ADAMTS2: variants seen among roughly 807,000 people sequenced by gnomAD.
ADAMTS2 encodes ADAM metallopeptidase with thrombospondin type 1 motif 2, also known as A disintegrin and metalloproteinase with thrombospondin motifs 2.
ADAMTS2 carries 50 observed loss-of-function variants against 123.0 expected under a neutral mutation model. The ratio of observed to expected loss-of-function variants is 0.41; its 90% CI spans 0.32 to 0.51. The LOEUF (loss-of-function observed/expected upper bound fraction) is 0.51. Ranked by LOEUF, ADAMTS2 falls within the 20% of genes least tolerant of loss-of-function variation. The probability of loss-of-function intolerance (pLI) is 0.35; values close to 1 mark genes in which losing one functional copy is unlikely to be tolerated. For synonymous variants in ADAMTS2, 678 were observed against 695.4 expected, an observed-to-expected ratio of 0.98 and a Z score of 0.39; for missense variants, 1,494 against 1,705.2, an observed-to-expected ratio of 0.88 and a Z score of 2.18.
Position 179,169,588 on chromosome 5 carries a change from T to A in ADAMTS2, c.976-10709A>T, listed in dbSNP as rs372140430. 2.2e-4 allele frequency among the ~76,000 whole-genome samples: 33 copies of A among 152,252 alleles called. No individual in the cohort carries two copies. The East Asian group carries it at 5.4e-3, about 25-fold the overall frequency. On this transcript the variant is annotated intron_variant, in intron 5 of 21. Transcript: ENST00000251582. The stretch of plus-strand genomic sequence containing the variant: ...AGATGCTCAGGAGGACAGGGGGCTG[T>A]CCCTGGGGTGAGGCATGGGGTGTGT...
intron 4 of ADAMTS2, among the ~76,000 whole-genome samples, chr5:179,191,394 G>A (rs778136627): frequency 2.6e-5 from 4 of 152,272 alleles, no homozygotes; most frequent in East Asian, 3.9e-4. Flanking sequence ...CCACACGCCC[G>A]TCTCAGAGGC....
intron 3 of ADAMTS2, among the ~76,000 whole-genome samples, chr5:179,265,259 TCCAGGCCCTTGCCAG>T (rs1430973158): frequency 6.6e-6 from 1 of 152,096 alleles, no homozygotes; most frequent in Admixed American, 6.5e-5. Flanking sequence ...CCACCAAAGA[TCCAGGCCCTTGCCAG>T]CCACATTTAC....
chr5:179,199,443 G>A (rs531851092), intron 4 of ADAMTS2, among the ~76,000 whole-genome samples: 2 of 152,328 alleles, frequency 1.3e-5, no homozygotes, highest in African/African-American at 2.4e-5. Context: ...TGAACCTCCC[G>A]TGAGTGACAC....
chr5:179,118,513 C>T lies in ADAMTS2; in HGVS notation c.3178+3148G>A, dbSNP rs1301279457. ...CTTAAGTCACTGTAGGCTACTCCCA[C>T]GATCTTGGCTACACCTGAACAGCAC... On this transcript the variant is annotated intron_variant, in intron 21 of 21. Transcript: ENST00000251582. This position sits in a 1 kb window ranked among gnomAD's most constrained non-coding sequence, Gnocchi z 4.5. 3.3e-5 allele frequency among the ~76,000 whole-genome samples: 5 copies of T among 152,190 alleles called. No individual in the cohort carries two copies. The highest frequency in any genetic ancestry group is 1.2e-4 in the African/African-American group (5 of 41,430).
rs1243315634 is a variant in ADAMTS2, at chr5:179,307,338, G to A, written c.535-34274C>T. Among the ~76,000 whole-genome samples the A allele has an allele frequency of 5.3e-5, 8 of 152,090 alleles. No homozygotes were observed. The highest frequency in any genetic ancestry group is 4.8e-5 in the African/African-American group (2 of 41,420). On this transcript the variant is annotated intron_variant, in intron 2 of 21. Coordinates refer to ENST00000251582, the MANE Select transcript of ADAMTS2 (RefSeq NM_014244.5). This position sits in a 1 kb window ranked among gnomAD's most constrained non-coding sequence, Gnocchi z 5.6. Reference sequence around the variant, plus strand: ...CGGCCCTCTCAGGGCTCGAGCACCCGGCCAACCCTGGGTGGCCACTGCTCA... The same window carrying A: ...CGGCCCTCTCAGGGCTCGAGCACCCAGCCAACCCTGGGTGGCCACTGCTCA...
At chr5:179,239,711 G>A (rs1232530364) in intron 3 of ADAMTS2, among the ~76,000 whole-genome samples, 1 of 152,116 alleles carries the variant, frequency 6.6e-6, no homozygotes, top group Non-Finnish European at 1.5e-5. Context: ...CCCACAGAGG[G>A]GTGCAGAGGG....
At chr5:179,138,036 T>A in intron 11 of ADAMTS2, 92 bp from the exon 12 acceptor site, 1 of 1,413,330 alleles carries the variant, frequency 7.1e-7, no homozygotes, top group Non-Finnish European at 9.6e-7. Context: ...GGGGGATCCC[T>A]AAGTCTCAGG....
rs1765479663 is a variant in ADAMTS2 at position 179,234,373 on chromosome 5, G to A, written c.689-26658C>T. 6.6e-6 allele frequency among the ~76,000 whole-genome samples: 1 copy of A among 152,042 alleles called. No homozygotes were observed. The highest frequency in any genetic ancestry group is 2.1e-4 in the South Asian group (1 of 4,824). On this transcript the variant is annotated intron_variant, in intron 3 of 21. Transcript: ENST00000251582. The surrounding 1 kb of genome is among the most constrained non-coding windows in gnomAD (Gnocchi z 4.7). The stretch of plus-strand genomic sequence containing the variant: ...GAGGCTGCACCCCCACAGGAAGTGG[G>A]GCCCAGTCCACCGTGCCCTGGACGC...
At chr5:179,206,580 A>C (rs1764704102) in intron 4 of ADAMTS2, among the ~76,000 whole-genome samples, 1 of 151,752 alleles carries the variant, frequency 6.6e-6, no homozygotes, top group Non-Finnish European at 1.5e-5. Flanking sequence ...CTAGGGCCCC[A>C]CTGGCAGCAT....
chr5:179,251,120 C>T (rs1482312727), intron 3 of ADAMTS2, among the ~76,000 whole-genome samples: 1 of 152,212 alleles, frequency 6.6e-6, no homozygotes, highest in Non-Finnish European at 1.5e-5. Flanking sequence ...GGCCTGGGTT[C>T]AAATCCCAGA....
intron 2 of ADAMTS2, among the ~76,000 whole-genome samples, chr5:179,297,154 G>A (rs1008743318): frequency 1.3e-5 from 2 of 152,136 alleles, no homozygotes; most frequent in Non-Finnish European, 2.9e-5. Context: ...AGGGAAATGC[G>A]AACGGCCACT....
At chr5:179,177,377 G>A (rs146177780) in intron 5 of ADAMTS2, among the ~76,000 whole-genome samples, 17 of 152,224 alleles carry the variant, frequency 1.1e-4, no homozygotes, top group African/African-American at 2.6e-4. Context: ...TTGTCCTGAC[G>A]GGCTACCTTT....
At chr5:179,217,829 T>TGC (rs1765027546) in intron 3 of ADAMTS2, among the ~76,000 whole-genome samples, 1 of 64,686 alleles carries the variant, frequency 1.5e-5, no homozygotes, top group African/African-American at 9.2e-5. Flanking sequence ...GGGGATGGCC[T>TGC]GAGGGCAGAC....
chr5:179,240,465 T>A (rs760570529), intron 3 of ADAMTS2, among the ~76,000 whole-genome samples: 4 of 152,126 alleles, frequency 2.6e-5, no homozygotes, highest in Non-Finnish European at 5.9e-5. Flanking sequence ...GCAGCATCAA[T>A]GGCCTGCAGG....
intron 5 of ADAMTS2, among the ~76,000 whole-genome samples, chr5:179,167,582 C>T (rs1227281378): frequency 6.6e-6 from 1 of 151,916 alleles, no homozygotes; most frequent in Non-Finnish European, 1.5e-5. Context: ...GCTGGAACCG[C>T]GCCCGCCCCG....
intron 2 of ADAMTS2, among the ~76,000 whole-genome samples, chr5:179,296,286 C>G (rs940593157): frequency 6.6e-6 from 1 of 151,874 alleles, no homozygotes; most frequent in African/African-American, 2.4e-5. Context: ...CGGGAGCAGC[C>G]GGAGCTCAAG....
rs138176208 is a variant in ADAMTS2, at chr5:179,207,714, C to T, written c.690G>A (p.Gly230=). The stretch of plus-strand genomic sequence containing the variant: ...GGCTGTCCAGGCTGTCCAGGGAGGC[C>T]CCTGCAAGGAGAGGACACCGTCTTC... The part of the protein sequence containing the change: ...PLGGPQALDT[G]ASLDSLDSLS... Residue 230 remains glycine, a splice_region_variant and synonymous_variant, in exon 4 of 22, where the codon GGG becomes GGA. Transcript: ENST00000251582. 62 of 1,610,306 alleles carry T rather than the reference C, an allele frequency of 3.9e-5. No individual in the cohort carries two copies. Among genetic ancestry groups the T allele is most frequent in the Non-Finnish European group, 5.0e-5 (59 of 1,179,976 alleles).
chr5:179,154,132 G>T lies in ADAMTS2; in HGVS notation c.1299C>A (p.Ser433Arg). The T allele has an allele frequency of 6.3e-7, 1 of 1,590,448 alleles. No homozygotes were observed. Among genetic ancestry groups the T allele is most frequent in the Non-Finnish European group, 8.5e-7 (1 of 1,174,134 alleles). Residue 433 changes from serine to arginine, a missense_variant, in exon 8 of 22, where the codon AGC (serine) becomes AGA (arginine). By Grantham distance (110) the Ser-to-Arg change is moderately radical (BLOSUM62 -1). Coordinates refer to ENST00000251582, the MANE Select transcript of ADAMTS2 (RefSeq NM_014244.5). ...NRCGDEVRLG[S>R]IMAPLVQAAF... ...CGGCCTGCACCAGGGGCGCCATGAT[G>T]CTGCCCAGCCGCACCTCGTCGCCAC...
intron 20 of ADAMTS2, 79 bp from the exon 21 acceptor site, chr5:179,121,829 C>G (rs1337007582): frequency 2.0e-6 from 2 of 1,010,134 alleles, no homozygotes; most frequent in Non-Finnish European, 2.9e-6. Flanking sequence ...CTCCGGGTCT[C>G]CCGGGGTCCT....
Sources: gnomAD v4.1 joint callset for allele counts (sites outside exome capture counted in the v4.1 genomes callset) on GRCh38, gnomAD v4.1.1 for gene constraint, Gnocchi (gnomAD v3.1) non-coding constraint, MANE v1.5 for transcripts, NCBI Gene and HGNC (gene_info 2026-07-23, HGNC 2026-07-21) for gene names.